AEBP2: variants seen among roughly 807,000 people sequenced by gnomAD.
AEBP2 encodes the protein AE binding protein 2.
Under a neutral mutation model 50.8 loss-of-function variants are expected in AEBP2, and 10 were observed. The ratio of observed to expected loss-of-function variants is 0.20; its 90% confidence interval spans 0.12 to 0.33. AEBP2 has a LOEUF of 0.33. AEBP2 is among the 10% of genes least tolerant of loss of function. The pLI, the probability that AEBP2 is intolerant of heterozygous loss-of-function variation, is 1.00. For missense variants in AEBP2, 570 were observed against 688.0 expected (o/e 0.83, Z 1.92); for synonymous variants, 296 against 261.3 (o/e 1.13, Z -1.28).
At chr12:19,415,839 T>C (rs1368171957) in intron 1 of AEBP2, among the ~76,000 whole-genome samples, 3 of 152,124 alleles carry the variant, frequency 2.0e-5, no homozygotes, top group Non-Finnish European at 4.4e-5. Flanking sequence ...CCAAGAACAC[T>C]AGAGGATTCT....
intron 3 of AEBP2, 144 bp from the exon 4 acceptor site, chr12:19,493,656 T>A: frequency 1.3e-6 from 1 of 747,482 alleles, no homozygotes. Context: ...GTGAAAAGAC[T>A]ACTAGTCCCT....
chr12:19,471,655 A>G (rs1948575435), intron 2 of AEBP2, among the ~76,000 whole-genome samples: 1 of 151,814 alleles, frequency 6.6e-6, no homozygotes, highest in African/African-American at 2.4e-5. Context: ...ACCCCTGAGT[A>G]GCTGGGACTA....
At chr12:19,456,931 A>G in intron 1 of AEBP2, 1 of 1,461,134 alleles carries the variant, frequency 6.8e-7, no homozygotes, top group South Asian at 1.1e-5. Context: ...TGGTGGTAGG[A>G]TGTAGTCCAG....
At chr12:19,495,388 A>G (rs781664691) in intron 4 of AEBP2, among the ~76,000 whole-genome samples, 1 of 152,244 alleles carries the variant, frequency 6.6e-6, no homozygotes, top group African/African-American at 2.4e-5. Flanking sequence ...ATTCCAGACT[A>G]CGAAATTAGT....
rs758144773 is a variant in AEBP2, at chr12:19,462,483, AAC to A, written c.672-23_672-22del. The A allele has an allele frequency of 1.2e-5, 19 of 1,558,902 alleles. No homozygotes were observed. In the South Asian group the frequency reaches 1.4e-4, roughly 12 times the overall value. ...TTCATGTTAGTGAATTTCTAGGAAT[AAC>A]ACAGCCTTTTTTCTTCTTTTGTAGC... On this transcript the variant is annotated intron_variant, in intron 1 of 7. Coordinates refer to ENST00000266508, the MANE Select transcript of AEBP2 (RefSeq NM_153207.5).
rs2153372061 is a variant in AEBP2, at chr12:19,471,765, A to C, written c.880-1483A>C. 1.3e-5 allele frequency among the ~76,000 whole-genome samples: 2 copies of C among 152,186 alleles called. 1 individual carries two copies. Among genetic ancestry groups the C allele is most frequent in the South Asian group, 4.2e-4 (2 of 4,816 alleles). Reference sequence around the variant, plus strand: ...AGGCTGGTCTCGAACTCCTGAGCTCAAGCCGTCCCCCTACCTCGGTCTCCC... The same window carrying C: ...AGGCTGGTCTCGAACTCCTGAGCTCCAGCCGTCCCCCTACCTCGGTCTCCC... On this transcript the variant is annotated intron_variant, in intron 2 of 7. Transcript: ENST00000266508.
At chr12:19,451,954 C>T (rs765207436) in intron 1 of AEBP2, among the ~76,000 whole-genome samples, 3 of 152,116 alleles carry the variant, frequency 2.0e-5, no homozygotes, top group Non-Finnish European at 2.9e-5. Context: ...TGCAGTGGCA[C>T]AATCTTGCTT....
intron 1 of AEBP2, among the ~76,000 whole-genome samples, chr12:19,415,661 C>CAATACAATAA (rs2095742134): frequency 7.8e-6 from 1 of 128,868 alleles, no homozygotes; most frequent in Admixed American, 7.8e-5. Flanking sequence ...TAAATCAATA[C>CAATACAATAA]AATACAATAC....
At chr12:19,415,663 A>C (rs113475913) in intron 1 of AEBP2, among the ~76,000 whole-genome samples, 16 of 145,342 alleles carry the variant, frequency 1.1e-4, no homozygotes, top group African/African-American at 4.1e-4. Context: ...AATCAATACA[A>C]TACAATACAA....
chr12:19,467,269 A>G (rs1345370036), intron 2 of AEBP2, among the ~76,000 whole-genome samples: 20 of 151,780 alleles, frequency 1.3e-4, no homozygotes, highest in African/African-American at 2.4e-5. Flanking sequence ...AATAAAAACA[A>G]AACAGGCAAA....
chr12:19,481,637 C>G (rs1948731498), intron 3 of AEBP2, among the ~76,000 whole-genome samples: 1 of 152,040 alleles, frequency 6.6e-6, no homozygotes, highest in Admixed American at 6.6e-5. Context: ...TGCCAACATG[C>G]CTGGCTAAAT....
At chr12:19,448,041 T>G (rs1948103760) in intron 1 of AEBP2, among the ~76,000 whole-genome samples, 1 of 152,176 alleles carries the variant, frequency 6.6e-6, no homozygotes. Context: ...TCTTTTGGGT[T>G]TAAAAATCAC....
At chr12:19,444,333 G>C (rs1948020032) in intron 1 of AEBP2, among the ~76,000 whole-genome samples, 1 of 152,216 alleles carries the variant, frequency 6.6e-6, no homozygotes, top group Non-Finnish European at 1.5e-5. Context: ...ATAGAAGACA[G>C]TCTCAAGTTC....
At chr12:19,455,232 A>G (rs1948246536) in intron 1 of AEBP2, among the ~76,000 whole-genome samples, 1 of 151,920 alleles carries the variant, frequency 6.6e-6, no homozygotes, top group South Asian at 2.1e-4. Flanking sequence ...GCTTCTAGAA[A>G]TCCTCCCGCT....
intron 1 of AEBP2, among the ~76,000 whole-genome samples, chr12:19,412,214 T>C (rs2095739575): frequency 6.6e-6 from 1 of 152,230 alleles, no homozygotes; most frequent in Admixed American, 6.5e-5. Flanking sequence ...AAGTCACATA[T>C]GAACACTAGA....
chr12:19,494,010 TG>T, intron 4 of AEBP2, 24 bp downstream of exon 4: 3 of 287,114 alleles, frequency 1.0e-5, no homozygotes, highest in South Asian at 5.1e-5. Context: ...TGAGAAAATC[TG>T]GTGTATTTCA....
chr12:19,497,814 T>TA (rs1475256271), intron 4 of AEBP2, among the ~76,000 whole-genome samples: 1 of 152,176 alleles, frequency 6.6e-6, no homozygotes, highest in Non-Finnish European at 1.5e-5. Context: ...GTTAAAAAAA[T>TA]ACTGAGCACA....
At chr12:19,472,001 G>A (rs755369955) in intron 2 of AEBP2, among the ~76,000 whole-genome samples, 25 of 152,164 alleles carry the variant, frequency 1.6e-4, no homozygotes, top group Non-Finnish European at 3.2e-4. Flanking sequence ...AAAGAAACTA[G>A]CAAATTCGTT....
chr12:19,430,462 CT>C (rs1161702390), intron 1 of AEBP2, among the ~76,000 whole-genome samples: 1 of 152,082 alleles, frequency 6.6e-6, no homozygotes, highest in Non-Finnish European at 1.5e-5. Flanking sequence ...AATGCAGGCT[CT>C]TTTTTGGTTC....
Sources: allele counts gnomAD v4.1 joint callset (sites outside exome capture counted in the v4.1 genomes callset), GRCh38; gene constraint gnomAD v4.1.1; transcripts MANE v1.5; gene names NCBI Gene and HGNC (gene_info 2026-07-23, HGNC 2026-07-21).